The following ATRX variants were observed in gnomAD, a reference collection of about 807,000 sequenced individuals.
ATRX encodes the protein ATRX chromatin remodeler.
ATRX carries 12 observed loss-of-function variants against 172.6 expected under a neutral mutation model. The ratio of observed to expected loss-of-function variants is 0.07; its 90% CI spans 0.04 to 0.11. The LOEUF (loss-of-function observed/expected upper bound fraction) is 0.11. Among genes scored for constraint, ATRX ranks in the 10% least tolerant of loss-of-function variants. ATRX has a pLI of 1.00. For synonymous variants in ATRX, 674 were observed against 594.7 expected (o/e 1.13, Z -1.94); for missense variants, 1,368 against 1,767.4 (o/e 0.77, Z 4.05).
In ATRX at chrX:77,581,050, C is replaced by A. The variant is rs187189100; in HGVS notation, c.6218-6692G>T. On this transcript the variant is annotated intron_variant, in intron 27 of 34. Transcript: ENST00000373344. ...TTCCAAGCCTCATGGGAGCCACAAA[C>A]CAAAAAACATATAATGGATAAACAA... Among the ~76,000 whole-genome samples the A allele has an allele frequency of 3.6e-3, 393 of 110,525 alleles. 1 individual carries two copies. Among genetic ancestry groups the A allele is most frequent in the African/African-American group, 0.012 (371 of 30,451 alleles).
At chrX:77,676,354 C>A (rs2148544606) in intron 9 of ATRX, 56 bp from the exon 10 acceptor site, 1 of 1,112,107 alleles carries the variant, frequency 9.0e-7, no homozygotes, top group Non-Finnish European at 1.2e-6. Context: ...ATAATTAAAA[C>A]CATGTAAAAT....
chrX:77,755,661 G>T (rs987115776), intron 1 of ATRX, among the ~76,000 whole-genome samples: 1 of 112,021 alleles, frequency 8.9e-6, no homozygotes, highest in Non-Finnish European at 1.9e-5. Flanking sequence ...CACCAGCGGA[G>T]GCTGGAGAAC....
intron 2 of ATRX, among the ~76,000 whole-genome samples, chrX:77,712,387 G>C (rs2073154259): frequency 8.9e-6 from 1 of 112,327 alleles, no homozygotes; most frequent in East Asian, 2.8e-4. Context: ...AGTGAACACA[G>C]GACTCCGACA....
chrX:77,675,897 A>G (rs781915194), intron 10 of ATRX: 136 of 180,606 alleles, frequency 7.5e-4, no homozygotes, highest in African/African-American at 3.4e-3. Context: ...ATTTACTGAG[A>G]TATGATTTAC....
chrX:77,604,479 A>G (rs1177083242), intron 22 of ATRX, among the ~76,000 whole-genome samples: 1 of 112,363 alleles, frequency 8.9e-6, no homozygotes, highest in Admixed American at 9.4e-5. Context: ...CTATTATTAA[A>G]AAGTCAAAAA....
intron 2 of ATRX, among the ~76,000 whole-genome samples, chrX:77,714,478 C>A (rs781795234): frequency 8.9e-6 from 1 of 111,788 alleles, no homozygotes; most frequent in East Asian, 2.8e-4. Flanking sequence ...AAAGTGCCCC[C>A]CATTAAATTA....
At chrX:77,663,671 C>T in intron 11 of ATRX, 113 bp from the exon 12 acceptor site, 1 of 603,517 alleles carries the variant, frequency 1.7e-6, no homozygotes, top group East Asian at 3.6e-5. Context: ...GAGTTAGACA[C>T]ATACTTTGGT....
At chrX:77,592,355 G>A (rs902466414) in intron 26 of ATRX, among the ~76,000 whole-genome samples, 6 of 101,658 alleles carry the variant, frequency 5.9e-5, no homozygotes, top group Non-Finnish European at 1.0e-4. Flanking sequence ...GGTGATTTTA[G>A]TGAGCTGAGA....
At chrX:77,650,298 T>C (rs1398112732) in intron 15 of ATRX, among the ~76,000 whole-genome samples, 1 of 111,936 alleles carries the variant, frequency 8.9e-6, no homozygotes, top group East Asian at 2.8e-4. Context: ...TGAGTATTTC[T>C]ACCAAAAAGA....
intron 1 of ATRX, among the ~76,000 whole-genome samples, chrX:77,741,037 TACACACAC>T (rs111437851): frequency 1.0e-5 from 1 of 99,250 alleles, no homozygotes; most frequent in Admixed American, 1.1e-4. Context: ...ACCCTGTCTC[TACACACAC>T]ACACACACAC....
intron 1 of ATRX, among the ~76,000 whole-genome samples, chrX:77,763,557 G>A (rs1557193975): frequency 1.9e-5 from 2 of 105,127 alleles, no homozygotes; most frequent in Admixed American, 1.0e-4. Context: ...TGCAACCTCC[G>A]CCTCCCTGGT....
At chrX:77,556,634 T>C (rs1215162558) in intron 30 of ATRX, among the ~76,000 whole-genome samples, 4 of 111,458 alleles carry the variant, frequency 3.6e-5, no homozygotes, top group Non-Finnish European at 7.5e-5. Context: ...GACTATATTA[T>C]ACCATCTTAA....
chrX:77,589,569 T>C (rs782204722), intron 27 of ATRX, among the ~76,000 whole-genome samples: 2 of 112,164 alleles, frequency 1.8e-5, no homozygotes, highest in African/African-American at 6.4e-5. Context: ...ATAGATATGT[T>C]CATCTGCTTC....
At chrX:77,640,256 C>T (rs1406786279) in intron 15 of ATRX, among the ~76,000 whole-genome samples, 2 of 111,164 alleles carry the variant, frequency 1.8e-5, no homozygotes, top group Non-Finnish European at 3.8e-5. Context: ...ATCCACATCC[C>T]AAACCTGAGC....
At chrX:77,701,443 T>C (rs1396724455) in intron 2 of ATRX, among the ~76,000 whole-genome samples, 1 of 106,667 alleles carries the variant, frequency 9.4e-6, no homozygotes, top group Admixed American at 1.0e-4. Context: ...ATCCAGGAGG[T>C]GGAGGCTGCA....
chrX:77,766,115 C>T (rs1345308820), intron 1 of ATRX, among the ~76,000 whole-genome samples: 22 of 112,413 alleles, frequency 2.0e-4, no homozygotes, highest in Non-Finnish European at 4.0e-4. Context: ...GGCAACCATC[C>T]GATTTCTCAA....
At chrX:77,645,035 T>C (rs1208150143) in intron 15 of ATRX, among the ~76,000 whole-genome samples, 2 of 111,350 alleles carry the variant, frequency 1.8e-5, no homozygotes, top group Non-Finnish European at 3.8e-5. Flanking sequence ...ACAAAAAAAC[T>C]TCAATAAGAT....
chrX:77,772,465 C>G (rs1304665819), intron 1 of ATRX, among the ~76,000 whole-genome samples: 1 of 96,193 alleles, frequency 1.0e-5, no homozygotes, highest in Non-Finnish European at 2.1e-5. Flanking sequence ...GATCCCTTCT[C>G]TCAAAAAAAA....
At chrX:77,537,966 T>A (rs782473925) in intron 30 of ATRX, among the ~76,000 whole-genome samples, 44 of 111,209 alleles carry the variant, frequency 4.0e-4, no homozygotes, top group African/African-American at 1.4e-3. Flanking sequence ...TTCTCACTTA[T>A]AAGTGGGAGC....
Sources: gnomAD v4.1 joint callset for allele counts (sites outside exome capture counted in the v4.1 genomes callset) on GRCh38, gnomAD v4.1.1 for gene constraint, MANE v1.5 for transcripts, NCBI Gene and HGNC (gene_info 2026-07-23, HGNC 2026-07-21) for gene names.